The following DPP6 variants were observed in gnomAD, a reference collection of about 807,000 sequenced individuals.
DPP6 encodes dipeptidyl peptidase like 6.
Under a neutral mutation model 122.6 loss-of-function variants are expected in DPP6, and 69 were observed. The ratio of observed to expected loss-of-function variants is 0.56; its 90% CI spans 0.46 to 0.69. The LOEUF (loss-of-function observed/expected upper bound fraction) is 0.69, where lower values mean the gene tolerates loss of function less well. Ranked by LOEUF, DPP6 falls within the 30% of genes least tolerant of loss-of-function variation. DPP6 has a pLI of 0.00. For synonymous variants in DPP6, 418 were observed against 433.1 expected (o/e 0.97, Z 0.43); for missense variants, 928 against 1,116.9 (o/e 0.83, Z 2.41).
intron 1 of DPP6, among the ~76,000 whole-genome samples, chr7:154,038,203 C>A (rs1334462402): frequency 6.8e-6 from 1 of 148,128 alleles, no homozygotes; most frequent in East Asian, 2.0e-4. Context: ...CTCGAGTGTT[C>A]CAGGCACCGT....
At chr7:154,449,477 A>G (rs920172319) in intron 2 of DPP6, among the ~76,000 whole-genome samples, 1 of 152,204 alleles carries the variant, frequency 6.6e-6, no homozygotes, top group Non-Finnish European at 1.5e-5. Flanking sequence ...ACCTTCTTAC[A>G]TTACTAGTAG....
intron 1 of DPP6, among the ~76,000 whole-genome samples, chr7:154,339,432 C>A (rs1347332203): frequency 6.6e-6 from 1 of 152,178 alleles, no homozygotes; most frequent in Admixed American, 6.5e-5. Flanking sequence ...CTCAGCGGAG[C>A]TGGTGTTTAC....
At chr7:154,378,526 G>T (rs1483712853) in intron 1 of DPP6, among the ~76,000 whole-genome samples, 1 of 152,174 alleles carries the variant, frequency 6.6e-6, no homozygotes, top group African/African-American at 2.4e-5. Context: ...ACCTGGCACT[G>T]GAGAGGAGGG....
chr7:154,675,888 G>A (rs1231718166), intron 7 of DPP6, among the ~76,000 whole-genome samples: 1 of 152,168 alleles, frequency 6.6e-6, no homozygotes, highest in African/African-American at 2.4e-5. Flanking sequence ...TTTTCACCAA[G>A]ATCCTTAGAT....
chr7:154,308,113 A>C (rs1048429200), intron 1 of DPP6, among the ~76,000 whole-genome samples: 4 of 152,130 alleles, frequency 2.6e-5, no homozygotes, highest in African/African-American at 4.8e-5. Context: ...TTACTGCAAT[A>C]GACTACCCAT....
intron 1 of DPP6, among the ~76,000 whole-genome samples, chr7:154,281,756 G>A (rs772520834): frequency 7.9e-5 from 12 of 152,080 alleles, no homozygotes; most frequent in Non-Finnish European, 1.5e-4. Flanking sequence ...CCACGCAGAC[G>A]GATTTCAGCA....
chr7:154,557,559 G>A (rs1236591572), intron 4 of DPP6, among the ~76,000 whole-genome samples: 1 of 152,064 alleles, frequency 6.6e-6, no homozygotes, highest in Non-Finnish European at 1.5e-5. Context: ...ACTAAAATTT[G>A]CTTCTTGGCA....
chr7:154,610,507 G>A (rs781676784), intron 5 of DPP6, among the ~76,000 whole-genome samples: 1 of 152,162 alleles, frequency 6.6e-6, no homozygotes, highest in African/African-American at 2.4e-5. Context: ...GTGACAATGA[G>A]CTTGTCATTT....
rs560577557 is a variant in DPP6 at position 154,434,955 on chromosome 7, G to A, written c.244-11259G>A. ...GTTCTCAAGCAATTCTCCTGCCTCAGCCTCCCAAGTAGCTGGGATTACAGG... is the reference window on the plus strand; with the variant it reads ...GTTCTCAAGCAATTCTCCTGCCTCAACCTCCCAAGTAGCTGGGATTACAGG... On this transcript the variant is annotated intron_variant, in intron 1 of 25. Coordinates refer to ENST00000377770, the MANE Select transcript of DPP6 (RefSeq NM_130797.4). Among the ~76,000 whole-genome samples the A allele has an allele frequency of 4.7e-4, 72 of 152,190 alleles. 1 individual carries two copies. Among genetic ancestry groups the A allele is most frequent in the Admixed American group, 4.1e-3 (63 of 15,290 alleles).
At chr7:154,229,036 G>A (rs1800768409) in intron 1 of DPP6, among the ~76,000 whole-genome samples, 1 of 152,158 alleles carries the variant, frequency 6.6e-6, no homozygotes, top group African/African-American at 2.4e-5. Context: ...TAGGAGCATT[G>A]TCCTGGTGGA....
In DPP6 at chr7:154,629,561, A is replaced by T. The variant is rs369995632; in HGVS notation, c.628-8260A>T. 4.6e-5 allele frequency among the ~76,000 whole-genome samples: 7 copies of T among 152,026 alleles called. 1 individual carries two copies. The South Asian group carries it at 1.2e-3, about 27-fold the overall frequency. On this transcript the variant is annotated intron_variant, in intron 5 of 25. Transcript: ENST00000377770. Reference sequence around the variant, plus strand: ...GTGTATGCCAGCCATGGGGTTCTTGATTCTAGCTTAAGAAAATCTGACTCT... The same window carrying T: ...GTGTATGCCAGCCATGGGGTTCTTGTTTCTAGCTTAAGAAAATCTGACTCT...
At chr7:154,258,509 A>G (rs1305579619) in intron 1 of DPP6, among the ~76,000 whole-genome samples, 2 of 152,164 alleles carry the variant, frequency 1.3e-5, no homozygotes, top group Admixed American at 6.5e-5. Context: ...CATTTTACCT[A>G]TTAGTTCAAG....
chr7:154,466,647 A>G (rs1017614338), intron 2 of DPP6, among the ~76,000 whole-genome samples: 1 of 152,156 alleles, frequency 6.6e-6, no homozygotes, highest in African/African-American at 2.4e-5. Context: ...TAAAGGCGCT[A>G]TCTCCAAATA....
chr7:154,615,462 A>G (rs1346410992), intron 5 of DPP6, among the ~76,000 whole-genome samples: 1 of 152,212 alleles, frequency 6.6e-6, no homozygotes, highest in Non-Finnish European at 1.5e-5. Flanking sequence ...ATTTTAAAAT[A>G]TTATAATCCA....
At chr7:154,341,014 A>T (rs146072525) in intron 1 of DPP6, among the ~76,000 whole-genome samples, 25 of 152,334 alleles carry the variant, frequency 1.6e-4, no homozygotes, top group Admixed American at 4.6e-4. Context: ...GAATTATTAT[A>T]ACATAAACTT....
intron 16 of DPP6, among the ~76,000 whole-genome samples, chr7:154,810,524 T>C (rs1798986769): frequency 6.6e-6 from 1 of 152,224 alleles, no homozygotes; most frequent in South Asian, 2.1e-4. Flanking sequence ...GATTCGTATT[T>C]CTTTTTATGT....
Position 154,111,620 on chromosome 7 carries a change from CGTGTGT to C in DPP6, c.243+58590_243+58595del, listed in dbSNP as rs71309604. Reference sequence around the variant, plus strand: ...ATAAAAATGAAAACAGGCAGGGTTTCGTGTGTGTGTGTGTGTGTGTGTGTGTGTGTG... The same window carrying C: ...ATAAAAATGAAAACAGGCAGGGTTTCGTGTGTGTGTGTGTGTGTGTGTGTG... On this transcript the variant is annotated intron_variant, in intron 1 of 25. Transcript: ENST00000377770. 5.1e-3 allele frequency among the ~76,000 whole-genome samples: 681 copies of C among 133,882 alleles called. 2 individuals are homozygous for C. Among genetic ancestry groups the C allele is most frequent in the Non-Finnish European group, 6.7e-3 (413 of 61,730 alleles). The allele number at this position is 133,882 out of a possible 152,430, so 87.8% of individuals were successfully genotyped here. A position where few individuals can be genotyped will look rare whatever the true frequency, so the allele number is the denominator to read the frequency against.
At chr7:153,947,518 TAC>T (rs1399265282) in intron 1 of DPP6, among the ~76,000 whole-genome samples, 1 of 152,178 alleles carries the variant, frequency 6.6e-6, no homozygotes, top group Non-Finnish European at 1.5e-5. Flanking sequence ...AAGAGAAAAT[TAC>T]ACAGATTTAC....
At chr7:154,776,334 A>C (rs1469736698) in intron 10 of DPP6, among the ~76,000 whole-genome samples, 1 of 152,040 alleles carries the variant, frequency 6.6e-6, no homozygotes. Context: ...GGTCACTCCC[A>C]TACGAGGATC....
Sources: gnomAD v4.1 joint callset for allele counts (sites outside exome capture counted in the v4.1 genomes callset) on GRCh38, gnomAD v4.1.1 for gene constraint, MANE v1.5 for transcripts, NCBI Gene and HGNC (gene_info 2026-07-23, HGNC 2026-07-21) for gene names.